OR51B5: variants seen among roughly 807,000 people sequenced by gnomAD.
OR51B5 encodes the protein olfactory receptor family 51 subfamily B member 5, also known as olfactory receptor 51B5.
For synonymous variants in OR51B5, 186 were observed against 144.8 expected (o/e 1.28, Z -2.04); for missense variants, 456 against 374.6 (o/e 1.22, Z -1.79).
intron 1 of OR51B5, among the ~76,000 whole-genome samples, chr11:5,350,210 T>C (rs2133685899): frequency 9.2e-6 from 1 of 109,128 alleles, no homozygotes; most frequent in South Asian, 2.7e-4. Flanking sequence ...TCACTAGTAG[T>C]CTTTACAGGT....
chr11:5,467,490 C>T lies in OR51B5; in HGVS notation n.84+38079G>A, dbSNP rs114449120. On this transcript the variant is annotated intron_variant and non_coding_transcript_variant, in intron 1 of 4. Transcript: ENST00000415970. ...TTACATGTCTTCATTCCCTAATCAT[C>T]CATTGGAGTTGAGTTATGCCATGGC... Among the ~76,000 whole-genome samples the T allele has an allele frequency of 8.2e-3, 1,253 of 152,302 alleles. 17 individuals carry two copies. The highest frequency in any genetic ancestry group is 0.029 in the African/African-American group (1,188 of 41,554).
chr11:5,366,555 G>A (rs927876622), intron 1 of OR51B5, among the ~76,000 whole-genome samples: 7 of 151,980 alleles, frequency 4.6e-5, no homozygotes, highest in Admixed American at 3.9e-4. Flanking sequence ...GTTGCAGTGA[G>A]CCGAGATCGC....
At chr11:5,428,656 G>C (rs534748939) in intron 1 of OR51B5, among the ~76,000 whole-genome samples, 2 of 152,338 alleles carry the variant, frequency 1.3e-5, no homozygotes, top group East Asian at 3.9e-4. Context: ...GACAGTGAGA[G>C]AAATCTAACA....
intron 1 of OR51B5, chr11:5,455,749 A>G (rs1211168765): frequency 6.6e-6 from 1 of 152,068 alleles, no homozygotes; most frequent in Non-Finnish European, 1.5e-5. Flanking sequence ...AAATACCAAC[A>G]AGAGAGAGAG....
At chr11:5,474,529 A>T (rs367547216) in intron 1 of OR51B5, among the ~76,000 whole-genome samples, 1 of 152,148 alleles carries the variant, frequency 6.6e-6, no homozygotes, top group East Asian at 1.9e-4. Context: ...ATATTTATCT[A>T]TCCAAACTTA....
chr11:5,403,582 G>C (rs1265266430), intron 1 of OR51B5: 1 of 453,178 alleles, frequency 2.2e-6, no homozygotes, highest in Admixed American at 2.4e-5. Flanking sequence ...GTTTTTGTTT[G>C]TTTGCTTGCT....
intron 1 of OR51B5, among the ~76,000 whole-genome samples, chr11:5,395,724 A>T (rs936400148): frequency 6.6e-6 from 1 of 152,224 alleles, no homozygotes; most frequent in African/African-American, 2.4e-5. Flanking sequence ...ACATAGTAAA[A>T]AAGCTAAGGT....
In OR51B5 at chr11:5,385,219, G is replaced by GA. The variant is rs576674638; in HGVS notation, n.85-38310dup. ...GACTCCTCCATTGCTTAGTAGACAT[G>GA]AAAAAATGACTGTTGCTCTCCTATC... On this transcript the variant is annotated intron_variant and non_coding_transcript_variant, in intron 1 of 4. Transcript: ENST00000415970. 444 of 152,218 alleles carry GA rather than the reference G, an allele frequency of 2.9e-3. 1 individual carries two copies. Among genetic ancestry groups the GA allele is most frequent in the African/African-American group, 0.01 (420 of 41,522 alleles). 9.4% of individuals were successfully genotyped at this position (152,218 alleles called of 1,614,324 possible). A position where few individuals can be genotyped will look rare whatever the true frequency, so the allele number is the denominator to read the frequency against.
chr11:5,468,569 T>A (rs111849011), intron 1 of OR51B5: 2 of 428,990 alleles, frequency 4.7e-6, no homozygotes, highest in African/African-American at 4.0e-5. Context: ...GGGTAGAGCA[T>A]TGGAGGTACA....
At chr11:5,428,170 T>C (rs2133766216) in intron 1 of OR51B5, among the ~76,000 whole-genome samples, 1 of 151,970 alleles carries the variant, frequency 6.6e-6, no homozygotes, top group African/African-American at 2.4e-5. Flanking sequence ...AAATTTATCA[T>C]AAAAAAATTA....
intron 1 of OR51B5, among the ~76,000 whole-genome samples, chr11:5,439,921 T>C (rs1203583207): frequency 1.3e-5 from 2 of 152,208 alleles, no homozygotes; most frequent in African/African-American, 4.8e-5. Flanking sequence ...GTCAATGATA[T>C]TGTTTAGTAG....
intron 1 of OR51B5, among the ~76,000 whole-genome samples, chr11:5,395,912 A>C (rs533147693): frequency 6.6e-6 from 1 of 152,324 alleles, no homozygotes; most frequent in Admixed American, 6.5e-5. Flanking sequence ...AGTACAACTA[A>C]TAAAATGTGT....
chr11:5,495,895 C>G (rs568952964), intron 1 of OR51B5, among the ~76,000 whole-genome samples: 2 of 152,124 alleles, frequency 1.3e-5, no homozygotes, highest in Admixed American at 1.3e-4. Flanking sequence ...AAAAGTTATT[C>G]TCCATAAAAT....
chr11:5,465,031 C>T (rs1187638774), intron 1 of OR51B5, among the ~76,000 whole-genome samples: 1 of 151,810 alleles, frequency 6.6e-6, no homozygotes, highest in Admixed American at 6.6e-5. Flanking sequence ...ACGGTGAAAC[C>T]CCGTCTCTAC....
At chr11:5,420,801 A>T (rs1850322056) in intron 1 of OR51B5, among the ~76,000 whole-genome samples, 1 of 152,092 alleles carries the variant, frequency 6.6e-6, no homozygotes, top group African/African-American at 2.4e-5. Flanking sequence ...ACTATTGAAT[A>T]ATTTTTTTTC....
At chr11:5,352,477 C>A in intron 1 of OR51B5, 1 of 1,409,036 alleles carries the variant, frequency 7.1e-7, no homozygotes, top group Non-Finnish European at 9.8e-7. Context: ...AGGAATAATT[C>A]AGGGGACCTG....
intron 1 of OR51B5, among the ~76,000 whole-genome samples, chr11:5,461,446 G>A (rs1851051562): frequency 2.0e-5 from 3 of 152,166 alleles, no homozygotes; most frequent in Admixed American, 2.0e-4. Flanking sequence ...GGAGACCCTG[G>A]GAGAGGCTGG....
chr11:5,401,040 C>G (rs1849960407), intron 1 of OR51B5, among the ~76,000 whole-genome samples: 1 of 152,084 alleles, frequency 6.6e-6, no homozygotes, highest in Admixed American at 6.5e-5. Context: ...CTTCAGAGGT[C>G]CTTCCTACCA....
chr11:5,452,584 G>A (rs10838132), intron 1 of OR51B5, among the ~76,000 whole-genome samples: 36,967 of 104,612 alleles, frequency 0.35, 5,452 homozygotes, highest in East Asian at 0.51. Flanking sequence ...CAACAAGAGC[G>A]ACTTTACGAG....
Sources: gnomAD v4.1 joint callset for allele counts (sites outside exome capture counted in the v4.1 genomes callset) on GRCh38, gnomAD v4.1.1 for gene constraint, MANE v1.5 for transcripts, NCBI Gene and HGNC (gene_info 2026-07-23, HGNC 2026-07-21) for gene names.